CHODL: variants seen among roughly 807,000 people sequenced by gnomAD.
CHODL encodes transmembrane protein MT75.
CHODL carries 29 observed loss-of-function variants against 34.5 expected under a neutral mutation model. That is an observed-to-expected ratio of 0.84 (90% confidence interval 0.63 to 1.15). The LOEUF (loss-of-function observed/expected upper bound fraction) is 1.15, where lower values mean the gene tolerates loss of function less well. Among genes scored for constraint, CHODL ranks in the 50% most tolerant of loss-of-function variants. CHODL has a pLI of 0.00. For synonymous variants in CHODL, 125 were observed against 116.1 expected (o/e 1.08, Z -0.49); for missense variants, 332 against 332.5 (o/e 1.00, Z 0.01).
chr21:18,117,226 C>T (rs999351644), intron 2 of CHODL, among the ~76,000 whole-genome samples: 4 of 152,180 alleles, frequency 2.6e-5, no homozygotes. Context: ...GGCTATTAAT[C>T]CCCTCAGCCC....
At chr21:18,120,403 T>C (rs2065465353) in intron 2 of CHODL, among the ~76,000 whole-genome samples, 1 of 152,166 alleles carries the variant, frequency 6.6e-6, no homozygotes, top group Non-Finnish European at 1.5e-5. Flanking sequence ...TCTAAGTTTA[T>C]TTGTTTCCTA....
At chr21:18,160,611 T>TTCTCTTC (rs2073085214) in intron 2 of CHODL, among the ~76,000 whole-genome samples, 1 of 152,176 alleles carries the variant, frequency 6.6e-6, no homozygotes, top group African/African-American at 2.4e-5. Flanking sequence ...CTTGTGTTAG[T>TTCTCTTC]TTGCTAAGGA....
chr21:18,182,453 C>A (rs2073393243), intron 2 of CHODL, among the ~76,000 whole-genome samples: 1 of 152,184 alleles, frequency 6.6e-6, no homozygotes, highest in African/African-American at 2.4e-5. Context: ...TTGTGGTAAT[C>A]ATTTCAGAAT....
intron 2 of CHODL, among the ~76,000 whole-genome samples, chr21:18,179,145 A>T (rs951688519): frequency 5.9e-5 from 9 of 152,258 alleles, no homozygotes; most frequent in Middle Eastern, 3.4e-3. Context: ...TCAAGTTGAA[A>T]ACCGCCATTT....
chr21:18,216,909 C>T (rs1031776452), intron 2 of CHODL, among the ~76,000 whole-genome samples: 1 of 152,234 alleles, frequency 6.6e-6, no homozygotes, highest in East Asian at 1.9e-4. Context: ...CCAACAGGTT[C>T]CTCCCATGAC....
At chr21:18,169,626 ACTTT>A in intron 2 of CHODL, among the ~76,000 whole-genome samples, 1 of 151,834 alleles carries the variant, frequency 6.6e-6, no homozygotes, top group East Asian at 1.9e-4. Context: ...TGTAATCTTT[ACTTT>A]CTTTTGCTTA....
intron 5 of CHODL, among the ~76,000 whole-genome samples, chr21:18,265,164 CTG>C (rs2074437919): frequency 6.7e-6 from 1 of 150,062 alleles, no homozygotes; most frequent in South Asian, 2.1e-4. Flanking sequence ...GATAAAGAAT[CTG>C]TGGTATATAT....
At chr21:18,111,613 C>A (rs2065352126) in intron 2 of CHODL, among the ~76,000 whole-genome samples, 1 of 152,146 alleles carries the variant, frequency 6.6e-6, no homozygotes, top group South Asian at 2.1e-4. Flanking sequence ...ACTTTAATCA[C>A]AAAGTGGGTA....
chr21:17,992,715 G>GTTTTTTTTTTTTTTTTTTTTTTT lies in CHODL; in HGVS notation c.-144-35155_-144-35154insTTTTTTTTTTTTTTTTTTTTTTT, dbSNP rs1237074983. Among the ~76,000 whole-genome samples the GTTTTTTTTTTTTTTTTTTTTTTT allele has an allele frequency of 1.3e-4, 4 of 31,510 alleles. 2 individuals are homozygous for GTTTTTTTTTTTTTTTTTTTTTTT. Among genetic ancestry groups the GTTTTTTTTTTTTTTTTTTTTTTT allele is most frequent in the Non-Finnish European group, 1.5e-4 (2 of 13,506 alleles). The allele number at this position is 31,510 out of a possible 152,430, so 20.7% of individuals were successfully genotyped here. A position where few individuals can be genotyped will look rare whatever the true frequency, so the allele number is the denominator to read the frequency against. The stretch of plus-strand genomic sequence containing the variant: ...ATCAGTTCTCAGAGTTTCTGGTGGA[G>GTTTTTTTTTTTTTTTTTTTTTTT]TTGTTTTTTTTTTTTTTTTTTTTTT... On this transcript the variant is annotated intron_variant, in intron 1 of 6. Coordinates refer to the CHODL transcript ENST00000400127.
In CHODL at chr21:18,102,253, C is replaced by T. The variant is rs917487625; in HGVS notation, c.-45+74282C>T. 2.7e-4 allele frequency among the ~76,000 whole-genome samples: 41 copies of T among 152,276 alleles called. 1 individual carries two copies. Among genetic ancestry groups the T allele is most frequent in the South Asian group, 4.1e-4 (2 of 4,834 alleles). On this transcript the variant is annotated intron_variant, in intron 2 of 6. Coordinates refer to the CHODL transcript ENST00000400127. The stretch of plus-strand genomic sequence containing the variant: ...ATCATTTTGTCAATCATCCAGGGAA[C>T]GCCCAACACTTCCTTTTGTCATTTC...
chr21:17,977,737 T>C (rs1298544831), intron 1 of CHODL, among the ~76,000 whole-genome samples: 1 of 148,594 alleles, frequency 6.7e-6, no homozygotes. Flanking sequence ...GCCAACATGG[T>C]GAAACTCTGT....
intron 2 of CHODL, among the ~76,000 whole-genome samples, chr21:18,066,810 A>G (rs1434637971): frequency 6.6e-6 from 1 of 152,150 alleles, no homozygotes; most frequent in Admixed American, 6.5e-5. Context: ...TATCCTTATA[A>G]GAAGACGAAA....
At chr21:18,154,254 C>T (rs1257221058) in intron 2 of CHODL, among the ~76,000 whole-genome samples, 1 of 152,004 alleles carries the variant, frequency 6.6e-6, no homozygotes, top group Non-Finnish European at 1.5e-5. Context: ...TTATTTATAT[C>T]GTTGTTATTT....
chr21:18,155,034 A>G (rs1461321749), intron 2 of CHODL, among the ~76,000 whole-genome samples: 1 of 152,224 alleles, frequency 6.6e-6, no homozygotes, highest in East Asian at 1.9e-4. Flanking sequence ...GCCACAGGGA[A>G]TTAGGGAATT....
intron 2 of CHODL, among the ~76,000 whole-genome samples, chr21:18,235,275 C>G (rs1244959932): frequency 6.6e-6 from 1 of 151,934 alleles, no homozygotes; most frequent in African/African-American, 2.4e-5. Context: ...AAAGCCTGTG[C>G]ATGTTTTTTT....
intron 2 of CHODL, among the ~76,000 whole-genome samples, chr21:18,085,631 G>A (rs533929124): frequency 5.3e-5 from 8 of 152,164 alleles, no homozygotes; most frequent in East Asian, 1.9e-4. Flanking sequence ...GGCAAGATAC[G>A]CAATTCTTGG....
intron 2 of CHODL, among the ~76,000 whole-genome samples, chr21:18,098,708 G>T (rs1197630424): frequency 1.3e-5 from 2 of 152,082 alleles, no homozygotes; most frequent in African/African-American, 4.8e-5. Flanking sequence ...ATATAATCCA[G>T]CAATCCCACT....
At chr21:18,264,480 T>C in intron 5 of CHODL, among the ~76,000 whole-genome samples, 1 of 151,294 alleles carries the variant, frequency 6.6e-6, no homozygotes, top group Non-Finnish European at 1.5e-5. Flanking sequence ...CGGGCGCCGA[T>C]AATCCCAGCT....
chr21:18,261,084 A>G (rs2074376710), intron 4 of CHODL, among the ~76,000 whole-genome samples: 1 of 152,138 alleles, frequency 6.6e-6, no homozygotes, highest in Non-Finnish European at 1.5e-5. Flanking sequence ...TCTGTTAACA[A>G]ATGAAGTGAT....
Sources: gnomAD v4.1 joint callset for allele counts (sites outside exome capture counted in the v4.1 genomes callset) on GRCh38, gnomAD v4.1.1 for gene constraint, MANE v1.5 for transcripts, NCBI Gene and HGNC (gene_info 2026-07-23, HGNC 2026-07-21) for gene names.